YME1L1: variants seen among roughly 807,000 people sequenced by gnomAD.
The protein encoded by YME1L1 is ATP-dependent zinc metalloprotease YME1L1.
Under a neutral mutation model 90.4 loss-of-function variants are expected in YME1L1, and 39 were observed. That is an observed-to-expected ratio of 0.43 (90% CI 0.33 to 0.56). The LOEUF (loss-of-function observed/expected upper bound fraction) is 0.56, where lower values mean the gene tolerates loss of function less well. YME1L1 is among the 20% of genes least tolerant of loss of function. The pLI is 0.03. For synonymous variants in YME1L1, 284 were observed against 287.3 expected (o/e 0.99, Z 0.12); for missense variants, 617 against 868.4 (o/e 0.71, Z 3.64).
chr10:27,120,964 A>G (rs866179451), intron 12 of YME1L1, among the ~76,000 whole-genome samples: 1 of 151,392 alleles, frequency 6.6e-6, no homozygotes, highest in Non-Finnish European at 1.5e-5. Flanking sequence ...ATTTTTTCAT[A>G]GTAACTTTAA....
Position 27,116,232 on chromosome 10 carries a change from G to A in YME1L1, c.1833C>T (p.Asp611=). The part of the protein sequence containing the change: ...RVAEELIFGT[D]HITTGASSDF... The stretch of plus-strand genomic sequence containing the variant: ...TTTAAAGCTAACCTGTTGTAATATG[G>A]TCGGTTCCAAATATAAGCTCCTCTG... Residue 611 remains aspartate (D), a synonymous_variant, in exon 16 of 19, where the codon GAC becomes GAT. Coordinates refer to ENST00000376016, the MANE Select transcript of YME1L1 (RefSeq NM_014263.4). 6.2e-7 allele frequency: 1 copy of A among 1,614,098 alleles called. No individual in the cohort carries two copies. Among genetic ancestry groups the A allele is most frequent in the East Asian group, 2.2e-5 (1 of 44,882 alleles).
At position 27,115,323 on chromosome 10, in the gene YME1L1, C is replaced by CTTT. The variant is rs71386913; in HGVS notation, c.1921-719_1921-717dup. ...ATGAGCAAGACAGAACATTTAAAAT[C>CTTT]TTTTTTTTTTTTTTTGGAGACAGGG... On this transcript the variant is annotated intron_variant, in intron 17 of 18. Coordinates refer to ENST00000376016, the MANE Select transcript of YME1L1 (RefSeq NM_014263.4). 9.8e-4 allele frequency among the ~76,000 whole-genome samples: 139 copies of CTTT among 142,408 alleles called. 1 individual carries two copies. Among genetic ancestry groups the CTTT allele is most frequent in the African/African-American group, 3.3e-3 (127 of 38,922 alleles). 93.4% of individuals were successfully genotyped at this position (142,408 alleles called of 152,430 possible). A position where few individuals can be genotyped will look rare whatever the true frequency, so the allele number is the denominator to read the frequency against.
chr10:27,115,953 G>T, intron 17 of YME1L1, 107 bp downstream of exon 17: 1 of 976,872 alleles, frequency 1.0e-6, no homozygotes, highest in Non-Finnish European at 1.6e-6. Context: ...AAATCCATTT[G>T]GAGTGAGAGA....
At chr10:27,127,037 T>A (rs941171840) in intron 8 of YME1L1, among the ~76,000 whole-genome samples, 2 of 152,176 alleles carry the variant, frequency 1.3e-5, no homozygotes, top group African/African-American at 4.8e-5. Context: ...ATTTTCTCAG[T>A]GAGAAAACAA....
chr10:27,128,741 C>CA lies in YME1L1; in HGVS notation c.859-1956dup, dbSNP rs201189769. On this transcript the variant is annotated intron_variant, in intron 8 of 18. Transcript: ENST00000376016. ...GCAACGCAGCTAAATCCCGACTCTA[C>CA]AAAAAAAAACTACAAAAATTAGCCA... 9.6e-3 allele frequency among the ~76,000 whole-genome samples: 1,448 copies of CA among 150,520 alleles called. 39 individuals carry two copies. The East Asian group carries it at 0.12, about 12-fold the overall frequency.
chr10:27,113,672 CAAA>C (rs373714641), intron 18 of YME1L1, among the ~76,000 whole-genome samples: 7 of 74,022 alleles, frequency 9.5e-5, no homozygotes, highest in African/African-American at 1.0e-4. Context: ...AACTCTGTCT[CAAA>C]AAAAAAAAAA....
rs2056758189 is a variant in YME1L1 at position 27,111,471 on chromosome 10, G to C, written c.*506C>G. On this transcript the variant is annotated 3_prime_UTR_variant, in exon 19 of 19. Transcript: ENST00000376016. ...AGCCTCCAAAAGTGCTGGGATTACA[G>C]ATGTGAGCCATGGCACCATGCCAAA... 5.4e-6 allele frequency: 1 copy of C among 185,500 alleles called. No homozygotes were observed. The highest frequency in any genetic ancestry group is 5.8e-5 in the Admixed American group (1 of 17,198). 11.5% of individuals were successfully genotyped at this position (185,500 alleles called of 1,614,324 possible).
chr10:27,134,990 A>G lies in YME1L1; in HGVS notation c.541-9T>C. The stretch of plus-strand genomic sequence containing the variant: ...TCCCGCAAAAGAAACCCCTGAATAC[A>G]CAAACAACACATCAGTACTGGTTAA... On this transcript the variant is annotated splice_polypyrimidine_tract_variant and intron_variant, in intron 5 of 18. Transcript: ENST00000376016. 1 of 1,611,674 alleles carries G rather than the reference A, an allele frequency of 6.2e-7. No individual in the cohort carries two copies. The highest frequency in any genetic ancestry group is 8.5e-7 in the Non-Finnish European group (1 of 1,179,714).
intron 11 of YME1L1, 46 bp from the exon 12 acceptor site, chr10:27,121,494 G>GCA: frequency 7.6e-7 from 1 of 1,313,546 alleles, no homozygotes; most frequent in South Asian, 1.2e-5. Flanking sequence ...CTGAAGCACA[G>GCA]CACACATGTA....
chr10:27,153,237 A>G (rs1404477522), intron 1 of YME1L1: 1 of 470,824 alleles, frequency 2.1e-6, no homozygotes, highest in Non-Finnish European at 4.4e-6. Flanking sequence ...CTGGTACATA[A>G]CTGATGCCCA....
At position 27,136,254 on chromosome 10, in the gene YME1L1, G is replaced by A. The variant is rs768325974; in HGVS notation, c.540+22C>T. 21 of 1,585,950 alleles carry A rather than the reference G, an allele frequency of 1.3e-5. No homozygotes were observed. In the South Asian group the frequency reaches 2.2e-4, roughly 17 times the overall value. On this transcript the variant is annotated intron_variant, in intron 5 of 18. Coordinates refer to ENST00000376016, the MANE Select transcript of YME1L1 (RefSeq NM_014263.4). ...ACAACTTGAAAATATTTGCTTTTTG[G>A]ATCATAAAAAGGTCTAATTACCTTC...
chr10:27,131,932 C>T lies in YME1L1; in HGVS notation c.785G>A (p.Arg262Gln), dbSNP rs749405954. Residue 262 changes from arginine to glutamine, a missense_variant, in exon 8 of 19, where the codon CGG becomes CAG. Arg to Gln is a conservative substitution (Grantham distance 43). This residue lies in a region of YME1L1 where 311 missense variants were observed against 335.8 expected (regional missense o/e 0.93). Coordinates refer to ENST00000376016, the MANE Select transcript of YME1L1 (RefSeq NM_014263.4). Reference protein sequence around the residue: ...LKNPFLSVRFRTTTGLDSAVD... With the variant: ...LKNPFLSVRFQTTTGLDSAVD... ...TGCAGAATCAAGCCCTGTTGTTGTC[C>T]GGAAGCGGACTAAAGGGAAGAAAAG... 1.1e-5 allele frequency: 17 copies of T among 1,610,896 alleles called. No homozygotes were observed. Among genetic ancestry groups the T allele is most frequent in the Admixed American group, 5.1e-5 (3 of 59,112 alleles).
chr10:27,139,010 T>C (rs1023562492), intron 4 of YME1L1, among the ~76,000 whole-genome samples: 3 of 152,182 alleles, frequency 2.0e-5, no homozygotes, highest in Non-Finnish European at 2.9e-5. Flanking sequence ...ATCAATATGA[T>C]AAATTGACTT....
chr10:27,139,507 T>C (rs1407258451), intron 4 of YME1L1, among the ~76,000 whole-genome samples: 1 of 151,440 alleles, frequency 6.6e-6, no homozygotes, highest in African/African-American at 2.4e-5. Flanking sequence ...AGCAATCTCA[T>C]GGAATAAATA....
rs565812946 is a variant in YME1L1, at chr10:27,120,589, T to TTAA, written c.1299-45_1299-43dup. 4.3e-5 allele frequency: 65 copies of TTAA among 1,528,166 alleles called. No homozygotes were observed. The African/African-American group carries it at 4.8e-4, about 11-fold the overall frequency. The allele number at this position is 1,528,166 out of a possible 1,614,324, so 94.7% of individuals were successfully genotyped here. On this transcript the variant is annotated intron_variant, in intron 12 of 18. Coordinates refer to ENST00000376016, the MANE Select transcript of YME1L1 (RefSeq NM_014263.4). Reference sequence around the variant, plus strand: ...AAAGGAAAATATAAATTAAAACTATTTAAGCTCAAATTCAACAGGACTGAC... The same window carrying TTAA: ...AAAGGAAAATATAAATTAAAACTATTTAATAAGCTCAAATTCAACAGGACTGAC...
At chr10:27,147,669 C>G (rs1173449249) in intron 2 of YME1L1, 4 of 1,551,744 alleles carry the variant, frequency 2.6e-6, no homozygotes, top group Non-Finnish European at 3.5e-6. Context: ...TGAACATACA[C>G]TGTAGGAAGA....
In YME1L1 at chr10:27,111,812, A is replaced by G; in HGVS notation, c.*165T>C. Reference sequence around the variant, plus strand: ...CTAATTTGCAATAGGTGTCATAATGAGAATAACCCAAACTGGATAAATGTG... The same window carrying G: ...CTAATTTGCAATAGGTGTCATAATGGGAATAACCCAAACTGGATAAATGTG... On this transcript the variant is annotated 3_prime_UTR_variant, in exon 19 of 19. Coordinates refer to ENST00000376016, the MANE Select transcript of YME1L1 (RefSeq NM_014263.4). The G allele has an allele frequency of 1.1e-6, 1 of 916,860 alleles. No homozygotes were observed. Among genetic ancestry groups the G allele is most frequent in the Non-Finnish European group, 1.8e-6 (1 of 570,576 alleles). 56.8% of individuals were successfully genotyped at this position (916,860 alleles called of 1,614,324 possible).
At chr10:27,115,061 C>G (rs2056798165) in intron 17 of YME1L1, among the ~76,000 whole-genome samples, 1 of 151,242 alleles carries the variant, frequency 6.6e-6, no homozygotes, top group African/African-American at 2.4e-5. Context: ...CATTTGAGGG[C>G]AAAGAAATTT....
chr10:27,123,852 TCTG>T (rs2056891036), intron 9 of YME1L1, among the ~76,000 whole-genome samples, 153 bp from the exon 10 acceptor site: 1 of 151,486 alleles, frequency 6.6e-6, no homozygotes, highest in Non-Finnish European at 1.5e-5. Context: ...CGTACTTGTC[TCTG>T]CTAATGGTTC....
Sources: gnomAD v4.1 joint callset for allele counts (sites outside exome capture counted in the v4.1 genomes callset) on GRCh38, gnomAD v4.1.1 for gene constraint, gnomAD v4.1.1 regional missense constraint, MANE v1.5 for transcripts, NCBI Gene and HGNC (gene_info 2026-07-23, HGNC 2026-07-21) for gene names.